GRB14: variants seen among roughly 807,000 people sequenced by gnomAD.
GRB14 encodes the protein growth factor receptor bound protein 14.
A neutral mutation model predicts 69.1 loss-of-function variants in GRB14; 38 were observed. That is an observed-to-expected ratio of 0.55 (90% CI 0.42 to 0.72). GRB14 has a LOEUF of 0.72. Among genes scored for constraint, GRB14 ranks in the 30% least tolerant of loss-of-function variants. The pLI, the probability that GRB14 is intolerant of heterozygous loss-of-function variation, is 0.00. For missense variants in GRB14, 666 were observed against 666.1 expected (o/e 1.00, Z 0.00); for synonymous variants, 247 against 241.3 (o/e 1.02, Z -0.22).
At chr2:164,506,138 C>T (rs1687182125) in intron 8 of GRB14, among the ~76,000 whole-genome samples, 1 of 152,152 alleles carries the variant, frequency 6.6e-6, no homozygotes, top group Admixed American at 6.5e-5. Context: ...CCAAAGAGTA[C>T]CAGCCTCTTT....
rs1686839838 is a variant in GRB14 at position 164,494,469 on chromosome 2, T to C, written c.1438A>G (p.Ser480Gly). 1 of 1,603,010 alleles carries C rather than the reference T, an allele frequency of 6.2e-7. No homozygotes were observed. Among genetic ancestry groups the C allele is most frequent in the African/African-American group, 1.3e-5 (1 of 74,826 alleles). ...AAGTGCTTTATTTTTTGTCCATGAC[T>C]CATTGACAGTACGAAAGTTTTGGGG... Reference protein sequence around the residue: ...SNPKTFVLSMSHGQKIKHFQI... With the variant: ...SNPKTFVLSMGHGQKIKHFQI... Residue 480 changes from serine (S) to glycine (G), a missense_variant, in exon 13 of 14, where the codon AGT (serine) becomes GGT (glycine). By Grantham distance (56) the Ser-to-Gly change is moderately conservative (BLOSUM62 0). Transcript: ENST00000263915.
At chr2:164,584,481 G>GA (rs1689488248) in intron 2 of GRB14, among the ~76,000 whole-genome samples, 2 of 150,942 alleles carry the variant, frequency 1.3e-5, no homozygotes. Context: ...TTTATAAGAA[G>GA]AAAAAACCAT....
At chr2:164,493,870 C>T (rs1686823982) in intron 13 of GRB14, among the ~76,000 whole-genome samples, 1 of 152,060 alleles carries the variant, frequency 6.6e-6, no homozygotes, top group African/African-American at 2.4e-5. Flanking sequence ...ATACTATACA[C>T]ATCACATACA....
At chr2:164,604,580 T>C (rs1182846327) in intron 2 of GRB14, among the ~76,000 whole-genome samples, 1 of 151,376 alleles carries the variant, frequency 6.6e-6, no homozygotes, top group African/African-American at 2.4e-5. Flanking sequence ...GGAAATAAAA[T>C]GGGATTGAGA....
intron 2 of GRB14, among the ~76,000 whole-genome samples, chr2:164,574,841 G>T (rs1385514041): frequency 6.6e-6 from 1 of 151,820 alleles, no homozygotes; most frequent in Non-Finnish European, 1.5e-5. Context: ...CTATTCAAGA[G>T]GCTAAGCCAG....
chr2:164,497,281 T>C lies in GRB14; in HGVS notation c.1224A>G (p.Lys408=), dbSNP rs1260458437. The change falls in exon 11 of 14, where the codon AAA becomes AAG. Residue 408 remains lysine (K), a splice_region_variant and synonymous_variant. Coordinates refer to ENST00000263915, the MANE Select transcript of GRB14 (RefSeq NM_004490.3). ...GAGTGCCCAGGCGTAAACATCCTTT[T>C]TTCTGAGCAAGGAAGGAGAAAACAA... is the stretch of plus-strand genomic sequence containing the variant. ...VAVEEGLAWR[K]KGCLRLGTHG... 7 of 1,612,508 alleles carry C rather than the reference T, an allele frequency of 4.3e-6. No homozygotes were observed. Among genetic ancestry groups the C allele is most frequent in the Non-Finnish European group, 5.9e-6 (7 of 1,179,510 alleles).
At chr2:164,572,181 G>C (rs1238974467) in intron 2 of GRB14, among the ~76,000 whole-genome samples, 1 of 152,120 alleles carries the variant, frequency 6.6e-6, no homozygotes, top group Non-Finnish European at 1.5e-5. Context: ...AAAGTAATTG[G>C]GGTTTTTATT....
rs1690448292 is a variant in GRB14 at position 164,621,096 on chromosome 2, C to T, written c.191+23G>A. 8.0e-7 allele frequency: 1 copy of T among 1,245,950 alleles called. No homozygotes were observed. The highest frequency in any genetic ancestry group is 1.0e-6 in the Non-Finnish European group (1 of 988,284). The allele number at this position is 1,245,950 out of a possible 1,614,324, so 77.2% of individuals were successfully genotyped here. ...CCGGCTGCCCAGCCAGGACACTCCC[C>T]CGCGCCCTCCAGGGTTGCCTACCTG... On this transcript the variant is annotated intron_variant, in intron 1 of 13. Transcript: ENST00000263915. This position sits in a 1 kb window ranked among gnomAD's most constrained non-coding sequence, Gnocchi z 6.0.
At position 164,590,252 on chromosome 2, in the gene GRB14, A is replaced by T. The variant is rs1265479130; in HGVS notation, c.324+29435T>A. The stretch of plus-strand genomic sequence containing the variant: ...TTCTCTAGTTTGAGTGTTTTACTTC[A>T]TTTCCTAGAATTGGCTCTAAACAAC... On this transcript the variant is annotated intron_variant, in intron 2 of 13. Coordinates refer to ENST00000263915, the MANE Select transcript of GRB14 (RefSeq NM_004490.3). Among the ~76,000 whole-genome samples the T allele has an allele frequency of 2.0e-5, 3 of 152,156 alleles. No individual in the cohort carries two copies. The East Asian group carries it at 5.8e-4, about 29-fold the overall frequency.
chr2:164,606,672 A>G (rs1409525138), intron 2 of GRB14, among the ~76,000 whole-genome samples: 19 of 152,172 alleles, frequency 1.2e-4, no homozygotes, highest in Non-Finnish European at 1.5e-5. Flanking sequence ...CCAGTGCCCT[A>G]AGATTCCAAG....
At chr2:164,558,179 C>A (rs1273657254) in intron 2 of GRB14, among the ~76,000 whole-genome samples, 1 of 152,152 alleles carries the variant, frequency 6.6e-6, no homozygotes, top group Non-Finnish European at 1.5e-5. Flanking sequence ...ACCTTTTCTG[C>A]TCTCCTTGTC....
chr2:164,499,172 C>T (rs1274725251), intron 9 of GRB14, among the ~76,000 whole-genome samples: 1 of 152,086 alleles, frequency 6.6e-6, no homozygotes, highest in African/African-American at 2.4e-5. Flanking sequence ...GTTCTGTAAT[C>T]TCAACTCCCT....
intron 3 of GRB14, among the ~76,000 whole-genome samples, chr2:164,535,366 T>C (rs1289058170): frequency 6.6e-6 from 1 of 152,184 alleles, no homozygotes; most frequent in African/African-American, 2.4e-5. Flanking sequence ...CAAAGTCTTT[T>C]TAAAAACCTC....
intron 3 of GRB14, among the ~76,000 whole-genome samples, chr2:164,541,602 C>G (rs1192881041): frequency 6.6e-6 from 1 of 151,558 alleles, no homozygotes; most frequent in Admixed American, 6.6e-5. Context: ...GCAAAAGAGA[C>G]CCTATCTCTA....
At chr2:164,548,947 G>A (rs934975149) in intron 2 of GRB14, among the ~76,000 whole-genome samples, 3 of 151,840 alleles carry the variant, frequency 2.0e-5, no homozygotes, top group Admixed American at 2.0e-4. Flanking sequence ...GTGCGATTTC[G>A]GCTCACTGTA....
intron 2 of GRB14, among the ~76,000 whole-genome samples, chr2:164,557,962 G>A (rs1688721566): frequency 6.6e-6 from 1 of 152,090 alleles, no homozygotes; most frequent in South Asian, 2.1e-4. Flanking sequence ...AGGCTAAAGA[G>A]TAGTGGTCTC....
At chr2:164,536,008 C>T (rs1319437782) in intron 3 of GRB14, among the ~76,000 whole-genome samples, 2 of 152,232 alleles carry the variant, frequency 1.3e-5, no homozygotes, top group African/African-American at 4.8e-5. Flanking sequence ...GAAGAGCTTA[C>T]AGACAGCTTC....
chr2:164,523,100 C>A (rs1279522262), intron 5 of GRB14, among the ~76,000 whole-genome samples: 1 of 151,944 alleles, frequency 6.6e-6, no homozygotes, highest in African/African-American at 2.4e-5. Context: ...GACAGAGACA[C>A]CAAGGAGTAT....
At chr2:164,515,884 A>T (rs1308678438) in intron 6 of GRB14, among the ~76,000 whole-genome samples, 2 of 151,876 alleles carry the variant, frequency 1.3e-5, no homozygotes, top group African/African-American at 4.8e-5. Context: ...AAACAATTAC[A>T]ACTTTTAGAA....
Sources: allele counts gnomAD v4.1 joint callset (sites outside exome capture counted in the v4.1 genomes callset), GRCh38; gene constraint gnomAD v4.1.1; non-coding constraint Gnocchi (gnomAD v3.1); transcripts MANE v1.5; gene names NCBI Gene and HGNC (gene_info 2026-07-23, HGNC 2026-07-21).